Variants in RBFOX1 observed in about 807,000 individuals in gnomAD.
The protein encoded by RBFOX1 is RNA binding protein fox-1 homolog 1.
RBFOX1 carries 8 observed loss-of-function variants against 57.7 expected under a neutral mutation model. That is an observed-to-expected ratio of 0.14 (90% confidence interval 0.08 to 0.25). The LOEUF (loss-of-function observed/expected upper bound fraction) is 0.25. Ranked by LOEUF, RBFOX1 falls within the 10% of genes least tolerant of loss-of-function variation. The pLI is 1.00. For synonymous variants in RBFOX1, 326 were observed against 222.4 expected (o/e 1.47, Z -4.15); for missense variants, 611 against 548.5 (o/e 1.11, Z -1.14).
intron 3 of RBFOX1, among the ~76,000 whole-genome samples, chr16:5,730,232 C>T (rs1389356428): frequency 6.6e-6 from 1 of 152,182 alleles, no homozygotes; most frequent in Non-Finnish European, 1.5e-5. Context: ...AAGCTGACCA[C>T]AGGTTTATTC....
At chr16:7,666,093 T>C (rs2069171180) in intron 13 of RBFOX1, among the ~76,000 whole-genome samples, 1 of 152,212 alleles carries the variant, frequency 6.6e-6, no homozygotes, top group African/African-American at 2.4e-5. Flanking sequence ...ACTTAAGCTT[T>C]TCTGTCTCAT....
intron 4 of RBFOX1, among the ~76,000 whole-genome samples, chr16:7,311,926 G>GT (rs911823953): frequency 2.8e-4 from 43 of 151,914 alleles, no homozygotes; most frequent in Middle Eastern, 6.9e-3. Flanking sequence ...GAGCAAGATA[G>GT]TTTTTTTTTG....
chr16:6,416,487 T>C (rs915037889), intron 2 of RBFOX1, among the ~76,000 whole-genome samples: 2 of 152,266 alleles, frequency 1.3e-5, no homozygotes, highest in East Asian at 1.9e-4. Context: ...TTGTTCTTTT[T>C]TTCGTTCCAT....
At chr16:5,300,935 T>C (rs1406224841) in intron 1 of RBFOX1, among the ~76,000 whole-genome samples, 1 of 152,190 alleles carries the variant, frequency 6.6e-6, no homozygotes, top group Non-Finnish European at 1.5e-5. Context: ...TGTCTGTCTG[T>C]CTCTCTCTCG....
intron 1 of RBFOX1, among the ~76,000 whole-genome samples, chr16:6,058,833 TATCC>T (rs35496154): frequency 0.63 from 84,697 of 133,706 alleles, 24,532 homozygotes; most frequent in South Asian, 0.7. Context: ...CTCATTTATT[TATCC>T]ATCCATCCAT....
rs369543638 is a variant in RBFOX1 at position 6,693,678 on chromosome 16, A to G, written c.-16+39028A>G. Among the ~76,000 whole-genome samples, 707 of 150,938 alleles carry G rather than the reference A, an allele frequency of 4.7e-3. 5 individuals are homozygous for G. The highest frequency in any genetic ancestry group is 0.016 in the African/African-American group (647 of 40,944). ...ATCATCATCATCCTCATCTGCTACCATCACCACCATCATCATCACCATCAT... is the reference window on the plus strand; with the variant it reads ...ATCATCATCATCCTCATCTGCTACCGTCACCACCATCATCATCACCATCAT... On this transcript the variant is annotated intron_variant, in intron 3 of 15. Coordinates refer to ENST00000550418, the MANE Select transcript of RBFOX1 (RefSeq NM_018723.4).
chr16:6,683,731 A>T (rs953343662), intron 3 of RBFOX1, among the ~76,000 whole-genome samples: 1 of 152,160 alleles, frequency 6.6e-6, no homozygotes, highest in Admixed American at 6.5e-5. Context: ...AGATGGTGAG[A>T]CGCAGTTCAG....
chr16:5,396,366 C>T (rs1277452838), intron 1 of RBFOX1, among the ~76,000 whole-genome samples: 2 of 152,078 alleles, frequency 1.3e-5, no homozygotes, highest in African/African-American at 4.8e-5. Context: ...AGGGGCGAGG[C>T]ATGGGGGCTC....
chr16:7,343,416 A>G (rs148152508), intron 4 of RBFOX1, among the ~76,000 whole-genome samples: 92 of 152,256 alleles, frequency 6.0e-4, no homozygotes, highest in African/African-American at 2.1e-3. Flanking sequence ...TGAGAATCTG[A>G]CCAGCAGTGG....
At chr16:6,921,622 A>T (rs1337575577) in intron 3 of RBFOX1, among the ~76,000 whole-genome samples, 2 of 116,220 alleles carry the variant, frequency 1.7e-5, no homozygotes, top group East Asian at 4.9e-4. Flanking sequence ...TACATAAATT[A>T]CTGTATATAT....
At chr16:5,694,483 A>G (rs2050789244) in intron 3 of RBFOX1, among the ~76,000 whole-genome samples, 1 of 152,082 alleles carries the variant, frequency 6.6e-6, no homozygotes, top group Non-Finnish European at 1.5e-5. Flanking sequence ...ATCGGTAGGC[A>G]TTTCTGGGGT....
intron 1 of RBFOX1, among the ~76,000 whole-genome samples, chr16:5,330,052 T>C (rs1245524433): frequency 6.6e-6 from 1 of 151,672 alleles, no homozygotes; most frequent in Non-Finnish European, 1.5e-5. Flanking sequence ...CCTCACATGG[T>C]ACAAGGGACC....
intron 3 of RBFOX1, among the ~76,000 whole-genome samples, chr16:5,735,521 C>A (rs1394947996): frequency 6.6e-6 from 1 of 152,226 alleles, no homozygotes; most frequent in African/African-American, 2.4e-5. Context: ...CGCATCTTGA[C>A]CCTTCTCCTG....
chr16:5,660,929 A>G (rs968776088), intron 3 of RBFOX1, among the ~76,000 whole-genome samples: 3 of 152,160 alleles, frequency 2.0e-5, no homozygotes, highest in African/African-American at 4.8e-5. Context: ...CCCAGGAGGA[A>G]GGAGTGCTGA....
intron 2 of RBFOX1, among the ~76,000 whole-genome samples, chr16:6,588,467 A>G (rs2097662566): frequency 6.6e-6 from 1 of 152,122 alleles, no homozygotes; most frequent in Admixed American, 6.5e-5. Flanking sequence ...AGCCTGGCCA[A>G]CATGACAAAA....
chr16:5,736,856 C>G (rs1260494978), intron 3 of RBFOX1, among the ~76,000 whole-genome samples: 1 of 147,478 alleles, frequency 6.8e-6, no homozygotes, highest in Non-Finnish European at 1.5e-5. Context: ...TCTTTCCCCC[C>G]TTCTCTTTCC....
At chr16:7,062,926 T>TTTTTTTTTTTTTTTTTTTTTTTTTTTTA (rs2054916703) in intron 4 of RBFOX1, among the ~76,000 whole-genome samples, 1 of 103,828 alleles carries the variant, frequency 9.6e-6, no homozygotes, top group African/African-American at 3.3e-5. Flanking sequence ...TTTTTTTTTT[T>TTTTTTTTTTTTTTTTTTTTTTTTTTTTA]TTGCTGAAGT....
chr16:7,315,649 T>C (rs201569437), intron 4 of RBFOX1, among the ~76,000 whole-genome samples: 1 of 10,186 alleles, frequency 9.8e-5, no homozygotes. Context: ...GAGAACAGAA[T>C]ATATATATAT....
chr16:6,694,350 T>A (rs954808055), intron 3 of RBFOX1, among the ~76,000 whole-genome samples: 22 of 152,310 alleles, frequency 1.4e-4, no homozygotes, highest in African/African-American at 5.3e-4. Flanking sequence ...TTGGCGGAGA[T>A]TAATTATGTA....
Sources: gnomAD v4.1 joint callset for allele counts (sites outside exome capture counted in the v4.1 genomes callset) on GRCh38, gnomAD v4.1.1 for gene constraint, MANE v1.5 for transcripts, NCBI Gene and HGNC (gene_info 2026-07-23, HGNC 2026-07-21) for gene names.